Variants in POU2F1 observed in about 807,000 individuals in gnomAD.
The protein encoded by POU2F1 is POU class 2 homeobox 1.
Under a neutral mutation model 84.9 loss-of-function variants are expected in POU2F1, and 16 were observed. The observed-to-expected ratio is 0.19, with a 90% CI of 0.13 to 0.29. The LOEUF (loss-of-function observed/expected upper bound fraction) is 0.29, where lower values mean the gene tolerates loss of function less well. Among genes scored for constraint, POU2F1 ranks in the 10% least tolerant of loss-of-function variants. The probability of loss-of-function intolerance (pLI) is 1.00; values close to 1 mark genes in which losing one functional copy is unlikely to be tolerated. For synonymous variants in POU2F1, 368 were observed against 368.3 expected (o/e 1.00, Z 0.01); for missense variants, 738 against 942.6 (o/e 0.78, Z 2.84).
intron 1 of POU2F1, among the ~76,000 whole-genome samples, chr1:167,299,256 AGT>A (rs931440725): frequency 1.1e-4 from 17 of 152,034 alleles, no homozygotes; most frequent in African/African-American, 3.9e-4. Flanking sequence ...TAAAATGAAA[AGT>A]GTATCTTGTA....
chr1:167,283,269 T>A (rs1431690539), intron 1 of POU2F1, among the ~76,000 whole-genome samples: 2 of 152,050 alleles, frequency 1.3e-5, no homozygotes, highest in African/African-American at 2.4e-5. Context: ...TTTTTACATT[T>A]TTGTAAAATG....
At chr1:167,358,129 T>C (rs974348703) in intron 2 of POU2F1, among the ~76,000 whole-genome samples, 7 of 143,156 alleles carry the variant, frequency 4.9e-5, no homozygotes, top group South Asian at 4.6e-4. Flanking sequence ...TTTCTTTTTT[T>C]TTTTTTTTTT....
chr1:167,395,303 T>C (rs1368276500), intron 9 of POU2F1, among the ~76,000 whole-genome samples: 1 of 152,218 alleles, frequency 6.6e-6, no homozygotes, highest in Non-Finnish European at 1.5e-5. Flanking sequence ...CCATGAAGGT[T>C]TGACTAAATG....
rs959814764 is a variant in POU2F1, at chr1:167,421,360, T to C, written c.*5550T>C. 1 of 152,208 alleles carries C rather than the reference T, an allele frequency of 6.6e-6. No individual in the cohort carries two copies. The highest frequency in any genetic ancestry group is 2.4e-5 in the African/African-American group (1 of 41,468). The allele number at this position is 152,208 out of a possible 1,614,324, so 9.4% of individuals were successfully genotyped here. ...TCATCCATTTCTTAGTCCAAGGAGA[T>C]TAAATATAAATAGGACACCCCTGAG... On this transcript the variant is annotated 3_prime_UTR_variant, in exon 16 of 16. Coordinates refer to ENST00000367866, the MANE Select transcript of POU2F1 (RefSeq NM_002697.4).
chr1:167,257,295 T>G (rs1000868937), intron 1 of POU2F1, among the ~76,000 whole-genome samples: 2 of 151,768 alleles, frequency 1.3e-5, no homozygotes, highest in African/African-American at 4.9e-5. Context: ...AAACAACCAT[T>G]TTTTTTTAAG....
chr1:167,348,483 C>T (rs1255076441), intron 2 of POU2F1, among the ~76,000 whole-genome samples: 1 of 152,156 alleles, frequency 6.6e-6, no homozygotes, highest in Non-Finnish European at 1.5e-5. Context: ...AATTTCTCTG[C>T]ATCCCTGCCA....
At chr1:167,381,735 G>A (rs987460067) in intron 7 of POU2F1, among the ~76,000 whole-genome samples, 10 of 148,812 alleles carry the variant, frequency 6.7e-5, no homozygotes, top group African/African-American at 2.0e-4. Context: ...CTCGCCTCCC[G>A]AGTAGCTGGG....
intron 13 of POU2F1, among the ~76,000 whole-genome samples, chr1:167,404,731 ACT>A (rs1386840414): frequency 6.6e-6 from 1 of 151,722 alleles, no homozygotes; most frequent in African/African-American, 2.4e-5. Flanking sequence ...CTGAGCTGGG[ACT>A]CTCTGTGAGG....
At chr1:167,342,557 G>C (rs1347438988) in intron 2 of POU2F1, among the ~76,000 whole-genome samples, 1 of 152,162 alleles carries the variant, frequency 6.6e-6, no homozygotes, top group Admixed American at 6.5e-5. Flanking sequence ...GAATAGACTT[G>C]CTATTCTTCA....
intron 2 of POU2F1, among the ~76,000 whole-genome samples, chr1:167,351,215 G>A (rs1014390492): frequency 1.3e-5 from 2 of 151,976 alleles, no homozygotes; most frequent in South Asian, 2.1e-4. Flanking sequence ...TTAGCTGGGT[G>A]TGGTGGCACG....
At chr1:167,282,336 G>A (rs1027797396) in intron 1 of POU2F1, among the ~76,000 whole-genome samples, 1 of 151,902 alleles carries the variant, frequency 6.6e-6, no homozygotes, top group African/African-American at 2.4e-5. Flanking sequence ...AGTAGAGATG[G>A]GGTTTCACCG....
intron 1 of POU2F1, among the ~76,000 whole-genome samples, chr1:167,314,916 C>T (rs908873751): frequency 2.0e-5 from 3 of 152,112 alleles, no homozygotes; most frequent in African/African-American, 7.2e-5. Flanking sequence ...GGGTGGATCC[C>T]TCATAGCTTG....
chr1:167,411,876 A>G (rs1649987648), intron 13 of POU2F1, 83 bp from the exon 14 acceptor site: 2 of 1,270,326 alleles, frequency 1.6e-6, no homozygotes, highest in African/African-American at 1.5e-5. Flanking sequence ...TATTCCATTG[A>G]TTATAGAGTT....
chr1:167,358,391 G>T (rs1206374023), intron 2 of POU2F1, among the ~76,000 whole-genome samples: 1 of 151,856 alleles, frequency 6.6e-6, no homozygotes, highest in African/African-American at 2.4e-5. Context: ...TGGTATCGAG[G>T]TTATGCTGGT....
chr1:167,251,708 T>G (rs1304039535), intron 1 of POU2F1, among the ~76,000 whole-genome samples: 1 of 152,148 alleles, frequency 6.6e-6, no homozygotes, highest in African/African-American at 2.4e-5. Context: ...TAGGCTATGT[T>G]TAGGTTTCTT....
chr1:167,285,343 G>A (rs927136300), intron 1 of POU2F1, among the ~76,000 whole-genome samples: 2 of 152,174 alleles, frequency 1.3e-5, no homozygotes, highest in Admixed American at 1.3e-4. Flanking sequence ...GGTGGCTCAC[G>A]CCTGTAATCC....
chr1:167,313,521 G>A (rs1443415123), intron 1 of POU2F1, among the ~76,000 whole-genome samples: 1 of 152,064 alleles, frequency 6.6e-6, no homozygotes, highest in Non-Finnish European at 1.5e-5. Context: ...TTGACCCAGA[G>A]ATGTATAGCC....
chr1:167,352,192 C>T (rs1658628505), intron 2 of POU2F1, among the ~76,000 whole-genome samples: 1 of 152,186 alleles, frequency 6.6e-6, no homozygotes, highest in Admixed American at 6.5e-5. Context: ...ATAATGTATT[C>T]ACTATTAACA....
chr1:167,235,977 A>G (rs1332959439), intron 1 of POU2F1, among the ~76,000 whole-genome samples: 3 of 152,230 alleles, frequency 2.0e-5, no homozygotes, highest in Non-Finnish European at 4.4e-5. Flanking sequence ...GTACCACTCT[A>G]TATTTTTTAT....
Sources: gnomAD v4.1 joint callset for allele counts (sites outside exome capture counted in the v4.1 genomes callset) on GRCh38, gnomAD v4.1.1 for gene constraint, MANE v1.5 for transcripts, NCBI Gene and HGNC (gene_info 2026-07-23, HGNC 2026-07-21) for gene names.